SNX25: variants seen among roughly 807,000 people sequenced by gnomAD.
The protein encoded by SNX25 is sorting nexin-25.
SNX25 carries 62 observed loss-of-function variants against 113.7 expected under a neutral mutation model. The ratio of observed to expected loss-of-function variants is 0.55; its 90% CI spans 0.44 to 0.67. The LOEUF (loss-of-function observed/expected upper bound fraction) is 0.67. Among genes scored for constraint, SNX25 ranks in the 30% least tolerant of loss-of-function variants. SNX25 has a pLI of 0.00. For missense variants in SNX25, 1,014 were observed against 1,161.0 expected (o/e 0.87, Z 1.84); for synonymous variants, 421 against 436.2 (o/e 0.97, Z 0.43).
At chr4:185,231,638 G>C (rs1309334354) in intron 1 of SNX25, among the ~76,000 whole-genome samples, 2 of 151,780 alleles carry the variant, frequency 1.3e-5, no homozygotes, top group African/African-American at 4.8e-5. Context: ...GTGAACCCAG[G>C]AGGTGGAGGT....
intron 7 of SNX25, 128 bp from the exon 8 acceptor site, chr4:185,320,605 A>C: frequency 1.7e-6 from 1 of 595,838 alleles, no homozygotes; most frequent in Non-Finnish European, 2.7e-6. Flanking sequence ...TACTACAATA[A>C]AATTTTACTT....
chr4:185,260,381 G>T (rs187902981), intron 3 of SNX25, among the ~76,000 whole-genome samples: 2 of 152,080 alleles, frequency 1.3e-5, no homozygotes. Flanking sequence ...GAGCTGGCTT[G>T]TACTGGCATG....
intron 15 of SNX25, among the ~76,000 whole-genome samples, chr4:185,357,467 C>T (rs1299735155): frequency 6.6e-6 from 1 of 152,196 alleles, no homozygotes; most frequent in Non-Finnish European, 1.5e-5. Context: ...CTGCTTTCAT[C>T]TCATCAGTTG....
chr4:185,254,573 T>A (rs983214742), intron 2 of SNX25, among the ~76,000 whole-genome samples: 1 of 152,242 alleles, frequency 6.6e-6, no homozygotes, highest in African/African-American at 2.4e-5. Flanking sequence ...TCTGAAAATT[T>A]GTGGGTAGCG....
At chr4:185,338,953 T>C (rs2095246337) in intron 10 of SNX25, among the ~76,000 whole-genome samples, 1 of 152,210 alleles carries the variant, frequency 6.6e-6, no homozygotes, top group Admixed American at 6.5e-5. Flanking sequence ...TCAGGATCTC[T>C]TGAGATTCTA....
At chr4:185,371,635 C>CAACT (rs1651629279), downstream of SNX25, among the ~76,000 whole-genome samples, 1 of 151,102 alleles carries the variant, frequency 6.6e-6, no homozygotes. Context: ...GTGATCCAGT[C>CAACT]AACTCCATGT....
chr4:185,267,096 C>T lies in SNX25; in HGVS notation c.1032C>T (p.Tyr344=), dbSNP rs772689880. The T allele has an allele frequency of 7.4e-6, 12 of 1,613,864 alleles. No homozygotes were observed. The Admixed American group carries it at 8.3e-5, about 11-fold the overall frequency. The change falls in exon 5 of 19, where the codon TAC becomes TAT. Residue 344 remains tyrosine (Y), a synonymous_variant. Transcript: ENST00000652585. ...GAGCCTACACCTATGCCCCCTCTTA[C>T]GAGGACTTCATCAAGCTCATTAACA... ...HKRAYTYAPS[Y]EDFIKLINSN...
At chr4:185,343,783 A>G (rs1268347959) in intron 12 of SNX25, among the ~76,000 whole-genome samples, 1 of 152,174 alleles carries the variant, frequency 6.6e-6, no homozygotes, top group Non-Finnish European at 1.5e-5. Context: ...TGGTGAAACT[A>G]TAACTGTCAA....
chr4:185,212,489 G>GTT (rs1414842289), intron 1 of SNX25, among the ~76,000 whole-genome samples: 1 of 43,358 alleles, frequency 2.3e-5, no homozygotes, highest in Admixed American at 2.7e-4. Flanking sequence ...GTGTGTGTGT[G>GTT]TGTTTTTTTT....
chr4:185,364,991 T>A (rs2095381094), downstream of SNX25: 1 of 149,746 alleles, frequency 6.7e-6, no homozygotes, highest in East Asian at 1.9e-4. Context: ...CTACAAGGAA[T>A]CTTAGAGAAG....
intron 7 of SNX25, among the ~76,000 whole-genome samples, chr4:185,316,919 AAACT>A (rs1359914176): frequency 6.6e-6 from 1 of 152,236 alleles, no homozygotes; most frequent in Admixed American, 6.5e-5. Context: ...CACAGCTAGT[AAACT>A]AACTAAATAT....
Position 185,340,602 on chromosome 4 carries a change from A to AT in SNX25, c.2046+1093dup, listed in dbSNP as rs2095254784. On this transcript the variant is annotated intron_variant, in intron 11 of 18. Transcript: ENST00000652585. ...GTAGGAAGGTAATGGACTCAGGGGA[A>AT]TGTAATGGCAAAAGCTGCTACAAGA... 8.5e-5 allele frequency among the ~76,000 whole-genome samples: 13 copies of AT among 152,302 alleles called. No homozygotes were observed. The South Asian group carries it at 2.5e-3, about 29-fold the overall frequency.
At chr4:185,257,229 T>C (rs1471501233) in intron 2 of SNX25, among the ~76,000 whole-genome samples, 1 of 150,760 alleles carries the variant, frequency 6.6e-6, no homozygotes, top group Non-Finnish European at 1.5e-5. Context: ...AAAAATAACC[T>C]TGGTACCCTC....
chr4:185,265,518 A>G (rs1206896308), intron 4 of SNX25, among the ~76,000 whole-genome samples: 1 of 152,088 alleles, frequency 6.6e-6, no homozygotes, highest in Non-Finnish European at 1.5e-5. Context: ...GCAGGACTGG[A>G]TGTTGCTCTG....
At chr4:185,235,324 G>A (rs1293735717) in intron 1 of SNX25, among the ~76,000 whole-genome samples, 1 of 152,150 alleles carries the variant, frequency 6.6e-6, no homozygotes, top group East Asian at 1.9e-4. Flanking sequence ...AAGCTGTGTT[G>A]GTCTTACTAA....
intron 6 of SNX25, among the ~76,000 whole-genome samples, chr4:185,302,076 A>AT (rs902839310): frequency 6.8e-5 from 9 of 133,286 alleles, no homozygotes; most frequent in African/African-American, 2.6e-4. Flanking sequence ...ATTTTTGTAT[A>AT]TTTTGTGTGT....
rs139828265 is a variant in SNX25 at position 185,342,064 on chromosome 4, C to T, written c.2135C>T (p.Thr712Met). 3.1e-4 allele frequency: 501 copies of T among 1,608,926 alleles called. 2 individuals carry two copies. The East Asian group carries it at 9.5e-3, about 31-fold the overall frequency. The change falls in exon 12 of 19, where the codon ACG becomes ATG. Residue 712 changes from threonine to methionine, a missense_variant. Physicochemically the swap from Thr to Met is moderately conservative, Grantham distance 81 (BLOSUM62 -1). Transcript: ENST00000652585. The stretch of plus-strand genomic sequence containing the variant: ...GGAGGAGTTGAAACTAAGAACTGGA[C>T]GGTCCCCAGAAGGCTCAGCGAGTTT... Reference protein sequence around the residue: ...EVGGVETKNWTVPRRLSEFQN... With the variant: ...EVGGVETKNWMVPRRLSEFQN...
chr4:185,365,776 A>G (rs1357028013), downstream of SNX25: 2 of 151,982 alleles, frequency 1.3e-5, no homozygotes, highest in African/African-American at 4.8e-5. Flanking sequence ...TGGATCTTCA[A>G]GTGGTTGAAG....
intron 1 of SNX25, among the ~76,000 whole-genome samples, chr4:185,211,399 A>G (rs1216778625): frequency 6.6e-6 from 1 of 152,200 alleles, no homozygotes; most frequent in East Asian, 1.9e-4. Context: ...TTCTCTTACA[A>G]AATCTCCACT....
Sources: gnomAD v4.1 joint callset for allele counts (sites outside exome capture counted in the v4.1 genomes callset) on GRCh38, gnomAD v4.1.1 for gene constraint, MANE v1.5 for transcripts, NCBI Gene and HGNC (gene_info 2026-07-23, HGNC 2026-07-21) for gene names.